The following SLC25A10 variants were observed in gnomAD, a reference collection of about 807,000 sequenced individuals.
SLC25A10 encodes mitochondrial dicarboxylate carrier.
In SLC25A10, 32 loss-of-function variants were observed where a neutral mutation model predicts 40.4. That is an observed-to-expected ratio of 0.79 (90% CI 0.60 to 1.06). The LOEUF (loss-of-function observed/expected upper bound fraction) is 1.06, where lower values mean the gene tolerates loss of function less well. Among genes scored for constraint, SLC25A10 ranks in the 50% least tolerant of loss-of-function variants. The pLI is 0.00. For synonymous variants in SLC25A10, 181 were observed against 171.1 expected (o/e 1.06, Z -0.45); for missense variants, 394 against 402.6 (o/e 0.98, Z 0.18).
At chr17:81,716,254 G>A (rs530136667) in intron 5 of SLC25A10, among the ~76,000 whole-genome samples, 390 of 152,318 alleles carry the variant, frequency 2.6e-3, no homozygotes, top group African/African-American at 8.9e-3. Context: ...TGTGGGGAGA[G>A]CCTTGTTGGA....
chr17:81,717,834 C>T lies in SLC25A10; in HGVS notation c.678C>T (p.Arg226=), dbSNP rs764459410. 1.1e-5 allele frequency: 17 copies of T among 1,611,512 alleles called. No homozygotes were observed. Among genetic ancestry groups the T allele is most frequent in the Non-Finnish European group, 4.2e-6 (5 of 1,179,508 alleles). ...AGCCCCTGGATGTGCTGAAGACTCG[C>T]CTGATGAACTCCAAGGGGGAGTATC... The part of the protein sequence containing the change: ...LCQPLDVLKT[R]LMNSKGEYQG... The change falls in exon 9 of 11, where the codon CGC becomes CGT. Residue 226 remains arginine, a synonymous_variant. Transcript: ENST00000350690.
rs2037567670 is a variant in SLC25A10, at chr17:81,720,330, C to G, written c.*253C>G. On this transcript the variant is annotated 3_prime_UTR_variant, in exon 11 of 11. Transcript: ENST00000350690. ...GGCACTGCGTGGCCTTGCCCCTCTC[C>G]CGCTGGCAGCTCCTCAGGGGAACAG... 1.4e-6 allele frequency: 2 copies of G among 1,426,670 alleles called. No individual in the cohort carries two copies. The highest frequency in any genetic ancestry group is 1.4e-5 in the African/African-American group (1 of 69,620). The allele number at this position is 1,426,670 out of a possible 1,614,324, so 88.4% of individuals were successfully genotyped here. A position where few individuals can be genotyped will look rare whatever the true frequency, so the allele number is the denominator to read the frequency against.
In SLC25A10 at chr17:81,714,988, C is replaced by T. The variant is rs1387184742; in HGVS notation, c.129C>T (p.Arg43=). 6.2e-7 allele frequency: 1 copy of T among 1,609,614 alleles called. No homozygotes were observed. The highest frequency in any genetic ancestry group is 1.7e-5 in the Admixed American group (1 of 59,992). ...AGACGCAGCAGGAGGTGAAGCTGCG[C>T]ATGACGGGCATGGCGCTGCGGGTGG... ...HLQTQQEVKL[R]MTGMALRVVR... The change falls in exon 2 of 11, where the codon CGC becomes CGT. Residue 43 remains arginine (R), a synonymous_variant. Transcript: ENST00000350690.
chr17:81,720,894 A>C lies in SLC25A10; in HGVS notation c.*817A>C. 3 of 170,634 alleles carry C rather than the reference A, an allele frequency of 1.8e-5. No homozygotes were observed. Among genetic ancestry groups the C allele is most frequent in the Non-Finnish European group, 2.5e-5 (2 of 80,674 alleles). 10.6% of individuals were successfully genotyped at this position (170,634 alleles called of 1,614,324 possible). A position where few individuals can be genotyped will look rare whatever the true frequency, so the allele number is the denominator to read the frequency against. On this transcript the variant is annotated 3_prime_UTR_variant, in exon 11 of 11. Coordinates refer to ENST00000350690, the MANE Select transcript of SLC25A10 (RefSeq NM_012140.5). ...TCCTCCTTAGGGCCTTCTCCCCGAC[A>C]AGGAGTCCGACGGGGCGGATGCTGC...
At position 81,714,836 on chromosome 17, in the gene SLC25A10, G is replaced by A. The variant is rs547124265; in HGVS notation, c.94-117G>A. On this transcript the variant is annotated intron_variant, in intron 1 of 10. Transcript: ENST00000350690. ...TTCCAGGCACGGGTGTGGAGTCCCC[G>A]GGCAGGGCCGTGGGAGGCCTTATCA... 2.8e-3 allele frequency: 3,967 copies of A among 1,406,308 alleles called. 9 individuals carry two copies. The highest frequency in any genetic ancestry group is 3.5e-3 in the Non-Finnish European group (3,594 of 1,040,196). The allele number at this position is 1,406,308 out of a possible 1,614,324, so 87.1% of individuals were successfully genotyped here.
In SLC25A10 at chr17:81,716,049, A is replaced by G; in HGVS notation, c.418A>G (p.Asn140Asp). The change falls in exon 5 of 11, where the codon AAC becomes GAC. Residue 140 changes from asparagine to aspartate, a missense_variant and splice_region_variant. Physicochemically the swap from Asn to Asp is conservative, Grantham distance 23. Transcript: ENST00000350690. ...GAAGCTGCCCCAGGGTCAGCGGCGCAAGTGAGTCATGGGCGGCCTTCTCGG... is the reference window on the plus strand; with the variant it reads ...GAAGCTGCCCCAGGGTCAGCGGCGCGAGTGAGTCATGGGCGGCCTTCTCGG... The part of the protein sequence containing the change: ...DVKLPQGQRR[N>D]YAHALDGLYR... 2 of 1,597,902 alleles carry G rather than the reference A, an allele frequency of 1.3e-6. No homozygotes were observed. The highest frequency in any genetic ancestry group is 1.7e-6 in the Non-Finnish European group (2 of 1,172,534).
rs149196942 is a variant in SLC25A10, at chr17:81,720,277, C to T, written c.*200C>T. On this transcript the variant is annotated 3_prime_UTR_variant, in exon 11 of 11. Coordinates refer to ENST00000350690, the MANE Select transcript of SLC25A10 (RefSeq NM_012140.5). ...CTCTCAGCTGTAGCTGCACCACCCC[C>T]GCTCTGGCTACCAGGCTCTCCCGGC... The T allele has an allele frequency of 2.8e-4, 402 of 1,438,564 alleles. 2 individuals are homozygous for T. In the East Asian group the frequency reaches 8.9e-3, roughly 32 times the overall value. The allele number at this position is 1,438,564 out of a possible 1,614,324, so 89.1% of individuals were successfully genotyped here.
chr17:81,717,089 G>C lies in SLC25A10; in HGVS notation c.534+17G>C, dbSNP rs1412680242. Reference sequence around the variant, plus strand: ...GTGGGCCAGGTAGGCCTCCTGCGTGGGGTGGGTGTGGGCAGTGCCTGTGAC... The same window carrying C: ...GTGGGCCAGGTAGGCCTCCTGCGTGCGGTGGGTGTGGGCAGTGCCTGTGAC... On this transcript the variant is annotated intron_variant, in intron 7 of 10. Transcript: ENST00000350690. 4 of 1,612,302 alleles carry C rather than the reference G, an allele frequency of 2.5e-6. No individual in the cohort carries two copies. The highest frequency in any genetic ancestry group is 3.4e-6 in the Non-Finnish European group (4 of 1,178,868).
chr17:81,715,849 C>T, intron 4 of SLC25A10, 108 bp downstream of exon 4: 2 of 1,492,252 alleles, frequency 1.3e-6, no homozygotes, highest in Non-Finnish European at 1.9e-6. Flanking sequence ...GAATAAGCCA[C>T]TGAGACCCTG....
At position 81,716,951 on chromosome 17, in the gene SLC25A10, G is replaced by A. The variant is rs765722206; in HGVS notation, c.464-51G>A. 6.0e-6 allele frequency: 9 copies of A among 1,491,672 alleles called. No homozygotes were observed. The South Asian group carries it at 6.8e-5, about 11-fold the overall frequency. 92.4% of individuals were successfully genotyped at this position (1,491,672 alleles called of 1,614,324 possible). On this transcript the variant is annotated intron_variant, in intron 6 of 10. Coordinates refer to ENST00000350690, the MANE Select transcript of SLC25A10 (RefSeq NM_012140.5). The stretch of plus-strand genomic sequence containing the variant: ...GGGCGCTGAGGGATTTGGGCCAGGT[G>A]CCTGGCCTCACCCCTTGCCTCACCC...
Position 81,720,605 on chromosome 17 carries a change from G to T in SLC25A10, c.*528G>T, listed in dbSNP as rs974382970. 1.2e-5 allele frequency: 13 copies of T among 1,085,240 alleles called. No homozygotes were observed. The highest frequency in any genetic ancestry group is 1.4e-5 in the Non-Finnish European group (12 of 844,282). 67.2% of individuals were successfully genotyped at this position (1,085,240 alleles called of 1,614,324 possible). A position where few individuals can be genotyped will look rare whatever the true frequency, so the allele number is the denominator to read the frequency against. On this transcript the variant is annotated 3_prime_UTR_variant, in exon 11 of 11. Transcript: ENST00000350690. ...CCCGCGAGACCCCGCAGCTGGGTGG[G>T]ATGAACAAGCAACGCAGACCACAAG...
chr17:81,715,638 G>A lies in SLC25A10; in HGVS notation c.328+46G>A, dbSNP rs757283896. The A allele has an allele frequency of 6.2e-6, 10 of 1,612,562 alleles. No homozygotes were observed. In the East Asian group the frequency reaches 6.7e-5, roughly 11 times the overall value. ...GGGAGGGGCGCGGGGTGGTCAGGTC[G>A]GCCGAGGACGCCGTGTGTCAGCACG... On this transcript the variant is annotated intron_variant, in intron 3 of 10. Transcript: ENST00000350690.
chr17:81,712,550 T>A (rs2037403317), intron 1 of SLC25A10, 31 bp downstream of exon 1: 1 of 1,219,668 alleles, frequency 8.2e-7, no homozygotes, highest in Non-Finnish European at 1.0e-6. Context: ...GCGGGGCGGA[T>A]GGGACCCTGG....
At chr17:81,713,392 C>T (rs1478994102) in intron 1 of SLC25A10, 12 of 966,832 alleles carry the variant, frequency 1.2e-5, no homozygotes, top group Non-Finnish European at 1.5e-5. Flanking sequence ...TGGGCAGCCG[C>T]CTGTCTAGGG....
At position 81,716,828 on chromosome 17, in the gene SLC25A10, G is replaced by A. The variant is rs1315837530; in HGVS notation, c.436G>A (p.Asp146Asn). The change falls in exon 6 of 11, where the codon GAT becomes AAT. Residue 146 changes from aspartate (D) to asparagine (N), a missense_variant. Coordinates refer to ENST00000350690, the MANE Select transcript of SLC25A10 (RefSeq NM_012140.5). ...GQRRNYAHAL[D>N]GLYRVAREEG... ...CCCCGGCAGCTACGCCCATGCGCTG[G>A]ATGGCCTGTACCGCGTAGCTCGTGA... 9 of 1,610,332 alleles carry A rather than the reference G, an allele frequency of 5.6e-6. No homozygotes were observed. Among genetic ancestry groups the A allele is most frequent in the Non-Finnish European group, 7.6e-6 (9 of 1,178,690 alleles).
chr17:81,715,976 G>GCCCGCCCCT (rs377058442), intron 4 of SLC25A10, 33 bp from the exon 5 acceptor site: 2 of 1,189,866 alleles, frequency 1.7e-6, no homozygotes, highest in South Asian at 2.6e-5. Context: ...CCCTCGGCCC[G>GCCCGCCCCT]CCCGCCCCTC....
chr17:81,720,426 G>A lies in SLC25A10; in HGVS notation c.*349G>A, dbSNP rs962519072. On this transcript the variant is annotated 3_prime_UTR_variant, in exon 11 of 11. Coordinates refer to ENST00000350690, the MANE Select transcript of SLC25A10 (RefSeq NM_012140.5). The stretch of plus-strand genomic sequence containing the variant: ...GGTATTATCCCTGCCTCCTGCCCCC[G>A]ATGCCCAAAGCAGCATCTTCCAGCA... 35 of 1,370,982 alleles carry A rather than the reference G, an allele frequency of 2.6e-5. No homozygotes were observed. Among genetic ancestry groups the A allele is most frequent in the South Asian group, 1.4e-4 (7 of 51,556 alleles). The allele number at this position is 1,370,982 out of a possible 1,614,324, so 84.9% of individuals were successfully genotyped here.
In SLC25A10 at chr17:81,714,970, G is replaced by A. The variant is rs776259955; in HGVS notation, c.111G>A (p.Gln37=). Residue 37 remains glutamine (Q), a synonymous_variant, in exon 2 of 11, where the codon CAG becomes CAA. Transcript: ENST00000350690. ...TCCCGCAGGTGCATCTGCAGACGCAGCAGGAGGTGAAGCTGCGCATGACGG... is the reference window on the plus strand; with the variant it reads ...TCCCGCAGGTGCATCTGCAGACGCAACAGGAGGTGAAGCTGCGCATGACGG... ...LDLLKVHLQT[Q]QEVKLRMTGM... The A allele has an allele frequency of 6.2e-7, 1 of 1,608,758 alleles. No individual in the cohort carries two copies. The highest frequency in any genetic ancestry group is 1.3e-5 in the African/African-American group (1 of 74,902).
At chr17:81,713,372 C>A in intron 1 of SLC25A10, 1 of 855,876 alleles carries the variant, frequency 1.2e-6, no homozygotes, top group Non-Finnish European at 1.4e-6. Flanking sequence ...GTGAACCTGG[C>A]TGTGGTCACT....
Sources: allele counts gnomAD v4.1 joint callset (sites outside exome capture counted in the v4.1 genomes callset), GRCh38; gene constraint gnomAD v4.1.1; transcripts MANE v1.5; gene names NCBI Gene and HGNC (gene_info 2026-07-23, HGNC 2026-07-21).